The following SPTBN2 variants were observed in gnomAD, a reference collection of about 807,000 sequenced individuals.
SPTBN2 encodes the protein spectrin beta, non-erythrocytic 2.
In SPTBN2, 107 loss-of-function variants were observed where a neutral mutation model predicts 284.2. The observed-to-expected ratio is 0.38, with a 90% CI of 0.32 to 0.44. The LOEUF (loss-of-function observed/expected upper bound fraction) is 0.44. Ranked by LOEUF, SPTBN2 falls within the 20% of genes least tolerant of loss-of-function variation. SPTBN2 has a pLI of 1.00. For missense variants in SPTBN2, 2,569 were observed against 3,287.1 expected (o/e 0.78, Z 5.34); for synonymous variants, 1,289 against 1,354.8 (o/e 0.95, Z 1.07).
Position 66,715,252 on chromosome 11 carries a change from C to G in SPTBN2, c.453G>C (p.Gly151=), listed in dbSNP as rs1314202367. The G allele has an allele frequency of 6.2e-7, 1 of 1,614,212 alleles. No individual in the cohort carries two copies. The highest frequency in any genetic ancestry group is 1.7e-5 in the Admixed American group (1 of 60,028). ...ATCGAAGGATGATGGTCCAGACCAG[C>G]CCAAGGGTCAGTCGGTGGTTTCCGT... is the stretch of plus-strand genomic sequence containing the variant. The part of the protein sequence containing the change: ...IVDGNHRLTL[G]LVWTIILRFQ... The change falls in exon 5 of 38, where the codon GGG becomes GGC. Residue 151 remains glycine (G), a synonymous_variant. Transcript: ENST00000533211. This position sits in a 1 kb window ranked among gnomAD's most constrained non-coding sequence, Gnocchi z 5.3.
chr11:66,691,133 T>C lies in SPTBN2; in HGVS notation c.5565+151A>G. On this transcript the variant is annotated intron_variant, in intron 27 of 37. Coordinates refer to ENST00000533211, the MANE Select transcript of SPTBN2 (RefSeq NM_006946.4). The surrounding 1 kb of genome is among the most constrained non-coding windows in gnomAD (Gnocchi z 8.0). ...CGCCTGGCCAAACAGAGATGTTTTC[T>C]TGGAGCAATTTCCTCATCTCGAAAT... is the stretch of plus-strand genomic sequence containing the variant. The C allele has an allele frequency of 8.1e-7, 1 of 1,232,736 alleles. No homozygotes were observed. Among genetic ancestry groups the C allele is most frequent in the South Asian group, 2.1e-5 (1 of 47,998 alleles). The allele number at this position is 1,232,736 out of a possible 1,614,324, so 76.4% of individuals were successfully genotyped here.
Position 66,707,713 on chromosome 11 carries a change from C to A in SPTBN2, c.1456G>T (p.Ala486Ser), listed in dbSNP as rs143155918. ...AYSGRVQAVDAVAAELAAERY... is the reference protein window; with the variant it reads ...AYSGRVQAVDSVAAELAAERY... ...TCGGCGGCCAGCTCTGCAGCCACGG[C>A]GTCCACTGCCTGCACCCGGCCGCTG... The change falls in exon 13 of 38, where the codon GCC (alanine) becomes TCC (serine). Residue 486 changes from alanine (A) to serine (S), a missense_variant. Coordinates refer to ENST00000533211, the MANE Select transcript of SPTBN2 (RefSeq NM_006946.4). This position sits in a 1 kb window ranked among gnomAD's most constrained non-coding sequence, Gnocchi z 4.9. 20 of 1,605,236 alleles carry A rather than the reference C, an allele frequency of 1.2e-5. No individual in the cohort carries two copies. Among genetic ancestry groups the A allele is most frequent in the Non-Finnish European group, 1.6e-5 (19 of 1,178,748 alleles).
intron 1 of SPTBN2, among the ~76,000 whole-genome samples, chr11:66,727,570 G>A (rs1218398297): frequency 6.6e-6 from 1 of 152,196 alleles, no homozygotes; most frequent in Non-Finnish European, 1.5e-5. Context: ...CCACAGAAAC[G>A]CCGCACGCGG....
At position 66,708,914 on chromosome 11, in the gene SPTBN2, C is replaced by T. The variant is rs150998764; in HGVS notation, c.1179G>A (p.Ser393=). ...GGCAGCCACGGACCTTGTTGATGTC[C>T]GAGATGAGCCGGCCCTCGCGGGGCG... ...VYTPREGRLI[S]DINKAWERLE... is the part of the protein sequence containing the mutation. Residue 393 remains serine (S), a synonymous_variant, in exon 11 of 38, where the codon TCG becomes TCA. Coordinates refer to ENST00000533211, the MANE Select transcript of SPTBN2 (RefSeq NM_006946.4). This position sits in a 1 kb window ranked among gnomAD's most constrained non-coding sequence, Gnocchi z 4.4. 1.2e-5 allele frequency: 19 copies of T among 1,613,760 alleles called. No homozygotes were observed. The highest frequency in any genetic ancestry group is 7.7e-5 in the South Asian group (7 of 91,070).
At chr11:66,738,320 T>C (rs992149438) in intron 1 of SPTBN2, among the ~76,000 whole-genome samples, 2 of 152,246 alleles carry the variant, frequency 1.3e-5, no homozygotes, top group African/African-American at 2.4e-5. Flanking sequence ...AGGATTTTCC[T>C]ATTTTAGGTA....
rs1389049800 is a variant in SPTBN2 at position 66,708,947 on chromosome 11, C to T, written c.1146G>A (p.Lys382=). Residue 382 remains lysine, a synonymous_variant, in exon 11 of 38, where the codon AAG becomes AAA. Transcript: ENST00000533211. The surrounding 1 kb of genome is among the most constrained non-coding windows in gnomAD (Gnocchi z 4.4). ...GCCGGCCCTCGCGGGGCGTGTAGAC[C>T]TTCTGGTTGTTGGCCCGAAGCTTGC... The part of the protein sequence containing the change: ...IQSKLRANNQ[K]VYTPREGRLI... 2.5e-6 allele frequency: 4 copies of T among 1,613,882 alleles called. No individual in the cohort carries two copies. Among genetic ancestry groups the T allele is most frequent in the Non-Finnish European group, 2.5e-6 (3 of 1,179,976 alleles).
intron 1 of SPTBN2, among the ~76,000 whole-genome samples, chr11:66,744,048 A>G (rs1314762305): frequency 6.6e-6 from 1 of 151,858 alleles, no homozygotes; most frequent in East Asian, 1.9e-4. Flanking sequence ...TTCAGTAGAG[A>G]CGGGGTTTCA....
At chr11:66,742,683 C>T (rs1942903623) in intron 1 of SPTBN2, among the ~76,000 whole-genome samples, 1 of 151,846 alleles carries the variant, frequency 6.6e-6, no homozygotes. Context: ...GATGTCAGCT[C>T]ACTGCAACCT....
At chr11:66,727,566 A>G (rs1828182865) in intron 1 of SPTBN2, among the ~76,000 whole-genome samples, 1 of 152,182 alleles carries the variant, frequency 6.6e-6, no homozygotes, top group African/African-American at 2.4e-5. Flanking sequence ...CTGGCCACAG[A>G]AACGCCGCAC....
In SPTBN2 at chr11:66,705,343, G is replaced by T; in HGVS notation, c.1933C>A (p.Arg645Ser). The T allele has an allele frequency of 6.2e-7, 1 of 1,610,854 alleles. No individual in the cohort carries two copies. The highest frequency in any genetic ancestry group is 1.1e-5 in the South Asian group (1 of 91,050). The change falls in exon 15 of 38, where the codon CGT becomes AGT. Residue 645 changes from arginine to serine, a missense_variant. Physicochemically the swap from Arg to Ser is moderately radical, Grantham distance 110. Around this residue, in one of 6 missense-constraint regions of SPTBN2, gnomAD observed 1,012 missense variants for 1,248.9 expected, o/e 0.81. Transcript: ENST00000533211. Reference protein sequence around the residue: ...ARLEESRRLWRFLWEVGEAEA... With the variant: ...ARLEESRRLWSFLWEVGEAEA... ...GCTTCACCCACCTCCCAGAGGAAAC[G>T]CCAGAGCCGCCGTGATTCCTCCAGC...
Position 66,694,132 on chromosome 11 carries a change from G to C in SPTBN2, c.4503+7C>G, listed in dbSNP as rs1201769760. 4 of 1,604,092 alleles carry C rather than the reference G, an allele frequency of 2.5e-6. No individual in the cohort carries two copies. The Middle Eastern group carries it at 7.4e-4, about 298-fold the overall frequency. The stretch of plus-strand genomic sequence containing the variant: ...GCAGCTTGCCGTCCTTGGCCCCAGT[G>C]ACTCACAATCTCATCTTCCACATCG... On this transcript the variant is annotated splice_region_variant and intron_variant, in intron 22 of 37. Coordinates refer to ENST00000533211, the MANE Select transcript of SPTBN2 (RefSeq NM_006946.4).
chr11:66,689,008 G>C (rs1940348293), intron 30 of SPTBN2, 88 bp downstream of exon 30: 1 of 1,491,530 alleles, frequency 6.7e-7, no homozygotes, highest in Non-Finnish European at 9.2e-7. Flanking sequence ...TTCACACCCA[G>C]GGTTCCTAGT....
At position 66,700,129 on chromosome 11, in the gene SPTBN2, T is replaced by C. The variant is rs943114148; in HGVS notation, c.3573+397A>G. Among the ~76,000 whole-genome samples the C allele has an allele frequency of 5.9e-5, 9 of 151,798 alleles. No individual in the cohort carries two copies. The highest frequency in any genetic ancestry group is 2.2e-4 in the African/African-American group (9 of 41,284). ...CACCACCATGTCCAGTTAATTTTTTTTTTTCATAGAGATGGGGGTCTCACT... is the reference window on the plus strand; with the variant it reads ...CACCACCATGTCCAGTTAATTTTTTCTTTTCATAGAGATGGGGGTCTCACT... On this transcript the variant is annotated intron_variant, in intron 17 of 37. Transcript: ENST00000533211. This position sits in a 1 kb window ranked among gnomAD's most constrained non-coding sequence, Gnocchi z 6.6.
rs1280593325 is a variant in SPTBN2 at position 66,710,020 on chromosome 11, C to T, written c.1073+562G>A. ...TCTGATGGATCGCACTGACTCAACA[C>T]ATCATAGCAATCATTTCCACAGCAT... On this transcript the variant is annotated intron_variant, in intron 10 of 37. Transcript: ENST00000533211. This position sits in a 1 kb window ranked among gnomAD's most constrained non-coding sequence, Gnocchi z 4.9. Among the ~76,000 whole-genome samples the T allele has an allele frequency of 1.3e-5, 2 of 152,202 alleles. No homozygotes were observed. The highest frequency in any genetic ancestry group is 4.8e-5 in the African/African-American group (2 of 41,450).
At chr11:66,727,184 T>C in intron 1 of SPTBN2, among the ~76,000 whole-genome samples, 1 of 152,198 alleles carries the variant, frequency 6.6e-6, no homozygotes, top group Non-Finnish European at 1.5e-5. Flanking sequence ...GGCCAATCCT[T>C]TGCCTTTCTG....
chr11:66,722,525 G>A (rs751635651), intron 1 of SPTBN2, among the ~76,000 whole-genome samples: 96 of 141,180 alleles, frequency 6.8e-4, no homozygotes, highest in Non-Finnish European at 9.5e-4. Flanking sequence ...GCAGTGAGCC[G>A]AGATCTCGCC....
Position 66,713,733 on chromosome 11 carries a change from CCAG to C in SPTBN2, c.667_669del (p.Leu223del), listed in dbSNP as rs1187414328. On this transcript the variant is annotated inframe_deletion, in exon 8 of 38. Coordinates refer to ENST00000533211, the MANE Select transcript of SPTBN2 (RefSeq NM_006946.4). ...TTACACTTCTTCAGAGACTCAAAATCCAGCAGGTCTGGCCTGGGTGGGGAGGCA... is the reference window on the plus strand; with the variant it reads ...TTACACTTCTTCAGAGACTCAAAATCCAGGTCTGGCCTGGGTGGGGAGGCA... 1 of 1,613,936 alleles carries C rather than the reference CCAG, an allele frequency of 6.2e-7. No homozygotes were observed. The highest frequency in any genetic ancestry group is 8.5e-7 in the Non-Finnish European group (1 of 1,179,866).
intron 1 of SPTBN2, among the ~76,000 whole-genome samples, chr11:66,725,005 C>T (rs1942564558): frequency 6.6e-6 from 1 of 152,204 alleles, no homozygotes; most frequent in Non-Finnish European, 1.5e-5. Context: ...GTTAGAATGT[C>T]TCTGCGGATT....
chr11:66,694,017 G>T, intron 22 of SPTBN2, 122 bp downstream of exon 22: 1 of 1,364,444 alleles, frequency 7.3e-7, no homozygotes, highest in Non-Finnish European at 1.0e-6. Context: ...CTATAGGGGA[G>T]ATGGTCAATG....
Sources: allele counts gnomAD v4.1 joint callset (sites outside exome capture counted in the v4.1 genomes callset), GRCh38; gene constraint gnomAD v4.1.1; regional missense constraint gnomAD v4.1.1; non-coding constraint Gnocchi (gnomAD v3.1); transcripts MANE v1.5; gene names NCBI Gene and HGNC (gene_info 2026-07-23, HGNC 2026-07-21).